RNF150: variants seen among roughly 807,000 people sequenced by gnomAD.
RNF150 encodes ring finger protein 150.
RNF150 carries 24 observed loss-of-function variants against 39.3 expected under a neutral mutation model. The observed-to-expected ratio is 0.61, with a 90% CI of 0.44 to 0.86. RNF150 has a LOEUF of 0.86. RNF150 is among the 40% of genes least tolerant of loss of function. The probability of loss-of-function intolerance (pLI) is 0.00; values close to 1 mark genes in which losing one functional copy is unlikely to be tolerated. For synonymous variants in RNF150, 255 were observed against 227.3 expected, an observed-to-expected ratio of 1.12 and a Z score of -1.10; for missense variants, 502 against 587.8, an observed-to-expected ratio of 0.85 and a Z score of 1.51.
intron 4 of RNF150, among the ~76,000 whole-genome samples, chr4:140,927,722 C>T (rs573011138): frequency 3.9e-4 from 58 of 148,672 alleles, no homozygotes; most frequent in Middle Eastern, 3.4e-3. Context: ...AATCTCAGCT[C>T]ACTTCAACCT....
intron 1 of RNF150, among the ~76,000 whole-genome samples, chr4:141,020,581 C>T (rs1394386028): frequency 1.3e-5 from 2 of 152,166 alleles, no homozygotes; most frequent in African/African-American, 4.8e-5. Context: ...CCCTTTCCTA[C>T]TGCCTAGAGG....
intron 1 of RNF150, among the ~76,000 whole-genome samples, chr4:141,140,122 T>C (rs1727094101): frequency 1.3e-5 from 2 of 152,224 alleles, no homozygotes; most frequent in Admixed American, 6.5e-5. Context: ...CAGCTTCTGC[T>C]ACAAGTACTG....
rs143604522 is a variant in RNF150, at chr4:140,972,125, A to G, written c.485-4252T>C. On this transcript the variant is annotated intron_variant, in intron 1 of 6. Coordinates refer to ENST00000515673, the MANE Select transcript of RNF150 (RefSeq NM_020724.2). ...AACTATAGTCCTCAGGTGACCAAAA[A>G]AACTTATATTGTCCCATTTGTAGAT... Among the ~76,000 whole-genome samples, 311 of 152,254 alleles carry G rather than the reference A, an allele frequency of 2.0e-3. 1 individual carries two copies. The highest frequency in any genetic ancestry group is 7.2e-3 in the African/African-American group (300 of 41,560).
intron 1 of RNF150, among the ~76,000 whole-genome samples, chr4:141,094,630 C>T (rs1052823892): frequency 2.0e-5 from 3 of 152,252 alleles, no homozygotes; most frequent in African/African-American, 7.2e-5. Context: ...AAACAGGCCT[C>T]AGGCCAGATT....
chr4:140,894,103 C>G (rs894988930), intron 6 of RNF150, among the ~76,000 whole-genome samples: 4 of 152,190 alleles, frequency 2.6e-5, no homozygotes, highest in African/African-American at 9.6e-5. Context: ...TTTAGTAGAT[C>G]TGGCAAATGA....
chr4:141,004,304 A>G (rs73860218), intron 1 of RNF150, among the ~76,000 whole-genome samples: 11,512 of 152,102 alleles, frequency 0.076, 487 homozygotes, highest in Middle Eastern at 0.16. Context: ...AAGGAATGAG[A>G]TTCCCTGGCA....
At chr4:140,929,816 T>C (rs548026553) in intron 4 of RNF150, among the ~76,000 whole-genome samples, 5 of 152,258 alleles carry the variant, frequency 3.3e-5, no homozygotes, top group Admixed American at 3.3e-4. Context: ...TCCTCAACAA[T>C]CTGGGTGGGC....
In RNF150 at chr4:141,152,970, G is replaced by A. The variant is rs528768077; in HGVS notation, c.-6+59824C>T. Among the ~76,000 whole-genome samples the A allele has an allele frequency of 2.0e-5, 3 of 152,242 alleles. No individual in the cohort carries two copies. The South Asian group carries it at 6.2e-4, about 32-fold the overall frequency. On this transcript the variant is annotated intron_variant, in intron 1 of 7. Transcript: ENST00000420921. The stretch of plus-strand genomic sequence containing the variant: ...TAGGTATTAAGCCCCACATGCATTA[G>A]CTATTTGTCCTGATGCTGGCAGTGT...
At chr4:141,147,870 A>C (rs1430667371) in intron 1 of RNF150, among the ~76,000 whole-genome samples, 4 of 152,074 alleles carry the variant, frequency 2.6e-5, no homozygotes, top group Non-Finnish European at 4.4e-5. Context: ...CAAAAGTGCT[A>C]CTCTAGGAAA....
intron 6 of RNF150, among the ~76,000 whole-genome samples, chr4:140,896,710 AAACAAACAAAC>A (rs1385467399): frequency 2.6e-4 from 14 of 53,054 alleles, no homozygotes; most frequent in Non-Finnish European, 3.9e-4. Context: ...ACAAAAAAAC[AAACAAACAAAC>A]AAAAAAAAAT....
intron 1 of RNF150, among the ~76,000 whole-genome samples, chr4:141,189,153 G>A (rs1426220507): frequency 1.4e-5 from 2 of 147,064 alleles, no homozygotes; most frequent in African/African-American, 2.4e-5. Context: ...CAGGTCTGCT[G>A]GAGTTTGCTG....
intron 6 of RNF150, among the ~76,000 whole-genome samples, chr4:140,877,899 G>A (rs1729219084): frequency 6.6e-6 from 1 of 152,100 alleles, no homozygotes; most frequent in Non-Finnish European, 1.5e-5. Flanking sequence ...TTCCAGAAGG[G>A]CCAGCATGAC....
At chr4:141,025,096 T>A (rs1254390502) in intron 1 of RNF150, among the ~76,000 whole-genome samples, 1 of 152,128 alleles carries the variant, frequency 6.6e-6, no homozygotes, top group Non-Finnish European at 1.5e-5. Context: ...ACATAGCTGA[T>A]AAAGCAAATA....
chr4:141,174,430 C>A (rs1488763034), intron 1 of RNF150, among the ~76,000 whole-genome samples: 1 of 152,122 alleles, frequency 6.6e-6, no homozygotes, highest in Non-Finnish European at 1.5e-5. Context: ...CTCTGCTTGA[C>A]AAAGAAATGC....
intron 1 of RNF150, among the ~76,000 whole-genome samples, chr4:141,154,840 A>G (rs1289181011): frequency 1.3e-5 from 2 of 152,206 alleles, no homozygotes; most frequent in Non-Finnish European, 2.9e-5. Flanking sequence ...TTTCAGATGC[A>G]GTGTCTCATT....
upstream of RNF150, among the ~76,000 whole-genome samples, chr4:141,134,828 G>C (rs1343586455): frequency 6.6e-6 from 1 of 152,188 alleles, no homozygotes; most frequent in Admixed American, 6.5e-5. Context: ...TCTGAGGGAG[G>C]AGTCCACTGC....
chr4:141,171,843 T>G (rs1727731141), intron 1 of RNF150, among the ~76,000 whole-genome samples: 1 of 152,190 alleles, frequency 6.6e-6, no homozygotes, highest in Non-Finnish European at 1.5e-5. Context: ...TCTTCAGATT[T>G]CAGATACATC....
chr4:140,949,681 C>CCA (rs1732469470), intron 2 of RNF150, among the ~76,000 whole-genome samples: 1 of 120,766 alleles, frequency 8.3e-6, no homozygotes, highest in South Asian at 2.4e-4. Flanking sequence ...ACTACCCCCC[C>CCA]CCAAAAAAAA....
At chr4:140,900,211 T>G (rs1730140596) in intron 6 of RNF150, among the ~76,000 whole-genome samples, 1 of 152,180 alleles carries the variant, frequency 6.6e-6, no homozygotes, top group African/African-American at 2.4e-5. Context: ...ATAGAGCAGT[T>G]GTCTATGGGT....
Sources: gnomAD v4.1 joint callset for allele counts (sites outside exome capture counted in the v4.1 genomes callset) on GRCh38, gnomAD v4.1.1 for gene constraint, MANE v1.5 for transcripts, NCBI Gene and HGNC (gene_info 2026-07-23, HGNC 2026-07-21) for gene names.